The following GTF3C3 variants were observed in gnomAD, a reference collection of about 807,000 sequenced individuals.
The protein encoded by GTF3C3 is general transcription factor IIIC subunit 3.
GTF3C3 carries 75 observed loss-of-function variants against 105.2 expected under a neutral mutation model. That is an observed-to-expected ratio of 0.71 (90% CI 0.59 to 0.86). The LOEUF is 0.86. Ranked by LOEUF, GTF3C3 falls within the 40% of genes least tolerant of loss-of-function variation. The pLI is 0.00. For missense variants in GTF3C3, 856 were observed against 1,076.5 expected (o/e 0.80, Z 2.87); for synonymous variants, 335 against 370.4 (o/e 0.90, Z 1.10).
In GTF3C3 at chr2:196,771,901, A is replaced by G. The variant is rs1349815627; in HGVS notation, c.2107T>C (p.Trp703Arg). The change falls in exon 15 of 18, where the codon TGG (tryptophan) becomes CGG (arginine). Residue 703 changes from tryptophan (W) to arginine (R), a missense_variant. By Grantham distance (101) the Trp-to-Arg change is moderately radical. Around this residue, in one of 3 missense-constraint regions of GTF3C3, gnomAD observed 605 missense variants for 833.6 expected, o/e 0.73. Transcript: ENST00000263956. ...ATGGTAACTTGATTGAAAATGTTCC[A>G]GAGCTGGGGTTTATTGACATTTTCC... ...VMENVNKPQL[W>R]NIFNQVTMHS... is the part of the protein sequence containing the mutation. The G allele has an allele frequency of 6.2e-7, 1 of 1,613,212 alleles. No individual in the cohort carries two copies. The highest frequency in any genetic ancestry group is 8.5e-7 in the Non-Finnish European group (1 of 1,179,218).
At chr2:196,789,854 G>GAAAA in intron 5 of GTF3C3, 25 bp downstream of exon 5, 1 of 1,053,474 alleles carries the variant, frequency 9.5e-7, no homozygotes, top group South Asian at 1.8e-5. Flanking sequence ...TTGTAAAAGT[G>GAAAA]AAAAAAAAAA....
At chr2:196,773,914 T>A (rs975850048) in intron 13 of GTF3C3, among the ~76,000 whole-genome samples, 3 of 152,206 alleles carry the variant, frequency 2.0e-5, no homozygotes, top group African/African-American at 7.2e-5. Flanking sequence ...ACTGCTCACC[T>A]CCTGCTGTGC....
At chr2:196,764,897 C>G (rs553783515) in intron 17 of GTF3C3, among the ~76,000 whole-genome samples, 1 of 152,238 alleles carries the variant, frequency 6.6e-6, no homozygotes, top group African/African-American at 2.4e-5. Flanking sequence ...AATTTAAAGT[C>G]TCACCCACAA....
In GTF3C3 at chr2:196,764,380, T is replaced by C. The variant is rs1042008126; in HGVS notation, c.*183A>G. 4 of 480,882 alleles carry C rather than the reference T, an allele frequency of 8.3e-6. No homozygotes were observed. The highest frequency in any genetic ancestry group is 1.4e-5 in the Non-Finnish European group (4 of 285,128). The allele number at this position is 480,882 out of a possible 1,614,324, so 29.8% of individuals were successfully genotyped here. On this transcript the variant is annotated 3_prime_UTR_variant, in exon 18 of 18. Coordinates refer to ENST00000263956, the MANE Select transcript of GTF3C3 (RefSeq NM_012086.5). ...AATGACAGACCAATATACAAATTTT[T>C]GTAGGAATAATTTTGCATATATACC... is the stretch of plus-strand genomic sequence containing the variant.
chr2:196,770,488 T>G (rs979773868), intron 15 of GTF3C3, among the ~76,000 whole-genome samples: 2 of 152,206 alleles, frequency 1.3e-5, no homozygotes, highest in African/African-American at 4.8e-5. Context: ...TTTGTTTTGT[T>G]TTTTAGACTA....
At chr2:196,785,774 G>A (rs987043288) in intron 6 of GTF3C3, among the ~76,000 whole-genome samples, 186 bp from the exon 7 acceptor site, 1 of 152,092 alleles carries the variant, frequency 6.6e-6, no homozygotes, top group African/African-American at 2.4e-5. Flanking sequence ...GTAAAACAGT[G>A]TCATAATTTC....
At chr2:196,777,575 T>A (rs945453624) in intron 10 of GTF3C3, 7 of 152,362 alleles carry the variant, frequency 4.6e-5, no homozygotes, top group Non-Finnish European at 1.0e-4. Context: ...CATCTTTAGG[T>A]TAAATTTTGA....
At chr2:196,785,916 C>T (rs865838758) in intron 6 of GTF3C3, among the ~76,000 whole-genome samples, 1 of 152,118 alleles carries the variant, frequency 6.6e-6, no homozygotes, top group Non-Finnish European at 1.5e-5. Flanking sequence ...GCCTACACCC[C>T]GCCTGGGCTC....
chr2:196,783,176 C>T (rs1020188661), intron 8 of GTF3C3, among the ~76,000 whole-genome samples: 1 of 148,662 alleles, frequency 6.7e-6, no homozygotes, highest in Non-Finnish European at 1.5e-5. Flanking sequence ...TCAGATGCAC[C>T]GTTATTTTAC....
chr2:196,789,761 C>T (rs1559304688), intron 5 of GTF3C3, 118 bp downstream of exon 5: 2 of 650,684 alleles, frequency 3.1e-6, no homozygotes, highest in Admixed American at 3.3e-5. Context: ...TAGAGCAACA[C>T]ACAATAGAAA....
intron 6 of GTF3C3, among the ~76,000 whole-genome samples, chr2:196,788,295 T>G (rs1165701884): frequency 2.0e-5 from 3 of 152,272 alleles, no homozygotes; most frequent in Admixed American, 1.3e-4. Flanking sequence ...TGTACCCTGA[T>G]GGAGATGGTT....
intron 6 of GTF3C3, among the ~76,000 whole-genome samples, chr2:196,785,994 C>G (rs1262560379): frequency 6.6e-6 from 1 of 152,078 alleles, no homozygotes; most frequent in Non-Finnish European, 1.5e-5. Flanking sequence ...TTCTCTTGCC[C>G]TGCACTCTCT....
intron 17 of GTF3C3, among the ~76,000 whole-genome samples, chr2:196,766,147 C>CTT (rs1699063509): frequency 1.3e-5 from 2 of 151,702 alleles, no homozygotes; most frequent in Non-Finnish European, 2.9e-5. Flanking sequence ...AAAAATCAGA[C>CTT]TTTAAACACA....
At chr2:196,779,602 G>A (rs145368241) in intron 9 of GTF3C3, among the ~76,000 whole-genome samples, 1 of 152,154 alleles carries the variant, frequency 6.6e-6, no homozygotes, top group African/African-American at 2.4e-5. Context: ...TTTGCTCTTC[G>A]TCTAACCAGC....
chr2:196,772,411 G>A (rs1036157588), intron 14 of GTF3C3, among the ~76,000 whole-genome samples: 7 of 152,052 alleles, frequency 4.6e-5, no homozygotes, highest in Non-Finnish European at 1.0e-4. Flanking sequence ...AGCTGGGCCT[G>A]GTGGCACACG....
rs1276307650 is a variant in GTF3C3 at position 196,797,777 on chromosome 2, A to G, written c.214+20T>C. The G allele has an allele frequency of 7.9e-7, 1 of 1,261,560 alleles. No individual in the cohort carries two copies. Among genetic ancestry groups the G allele is most frequent in the East Asian group, 2.3e-5 (1 of 43,298 alleles). 78.1% of individuals were successfully genotyped at this position (1,261,560 alleles called of 1,614,324 possible). ...CATACTCTAAACATTCATTGCAGGA[A>G]GCACATAATTTTAACATACCTTCAT... On this transcript the variant is annotated intron_variant, in intron 2 of 17. Coordinates refer to ENST00000263956, the MANE Select transcript of GTF3C3 (RefSeq NM_012086.5).
At chr2:196,793,445 T>G (rs771221220) in intron 2 of GTF3C3, among the ~76,000 whole-genome samples, 48 of 152,084 alleles carry the variant, frequency 3.2e-4, no homozygotes, top group Non-Finnish European at 4.3e-4. Context: ...AATAGAAGAA[T>G]TATAAGACAT....
intron 8 of GTF3C3, among the ~76,000 whole-genome samples, chr2:196,782,675 A>C (rs1276737868): frequency 6.6e-6 from 1 of 152,204 alleles, no homozygotes; most frequent in Non-Finnish European, 1.5e-5. Context: ...TGTAGAATTC[A>C]GACCAACTAT....
At chr2:196,765,732 C>T (rs866810791) in intron 17 of GTF3C3, among the ~76,000 whole-genome samples, 34 of 151,534 alleles carry the variant, frequency 2.2e-4, no homozygotes, top group African/African-American at 6.8e-4. Context: ...ACAATTGTGC[C>T]GGGCGCAGTG....
Sources: gnomAD v4.1 joint callset for allele counts (sites outside exome capture counted in the v4.1 genomes callset) on GRCh38, gnomAD v4.1.1 for gene constraint, gnomAD v4.1.1 regional missense constraint, MANE v1.5 for transcripts, NCBI Gene and HGNC (gene_info 2026-07-23, HGNC 2026-07-21) for gene names.